Variants in GMPS observed in about 807,000 individuals in gnomAD.
GMPS encodes the protein guanosine monophosphate synthase, also known as GMP synthase [glutamine-hydrolyzing].
GMPS carries 15 observed loss-of-function variants against 77.9 expected under a neutral mutation model. The observed-to-expected ratio is 0.19, with a 90% CI of 0.13 to 0.30. The LOEUF (loss-of-function observed/expected upper bound fraction) is 0.30. Ranked by LOEUF, GMPS falls within the 10% of genes least tolerant of loss-of-function variation. The pLI, the probability that GMPS is intolerant of heterozygous loss-of-function variation, is 1.00. For missense variants in GMPS, 590 were observed against 838.8 expected (o/e 0.70, Z 3.66); for synonymous variants, 224 against 275.9 (o/e 0.81, Z 1.86).
chr3:155,914,337 T>G, intron 7 of GMPS, 82 bp from the exon 8 acceptor site: 1 of 1,036,584 alleles, frequency 9.6e-7, no homozygotes, highest in East Asian at 2.8e-5. Flanking sequence ...AAGAAATAGC[T>G]TTTCTTTCTG....
upstream of GMPS, among the ~76,000 whole-genome samples, chr3:155,870,281 A>G (rs1753866285): frequency 6.6e-6 from 1 of 152,244 alleles, no homozygotes; most frequent in Non-Finnish European, 1.5e-5. Context: ...CGGTGCCGCC[A>G]GCCTCCCGAA....
intron 1 of GMPS, among the ~76,000 whole-genome samples, chr3:155,892,380 CAAA>C (rs894885389): frequency 2.0e-4 from 31 of 151,584 alleles, no homozygotes; most frequent in Non-Finnish European, 1.5e-5. Flanking sequence ...AAAAAGCAAA[CAAA>C]AAAAACCCCC....
At chr3:155,931,581 T>C (rs977002827) in intron 12 of GMPS, among the ~76,000 whole-genome samples, 184 bp from the exon 13 acceptor site, 1 of 151,834 alleles carries the variant, frequency 6.6e-6, no homozygotes. Context: ...TTTATACCAT[T>C]AAAGAAGCAT....
chr3:155,940,048 T>C lies in GMPS; in HGVS notation c.*2356T>C, dbSNP rs545396327. The stretch of plus-strand genomic sequence containing the variant: ...TATGGGATGCTTATTTTACTAAGAC[T>C]AGAATGGTGGCTACCTGGCTAATAA... On this transcript the variant is annotated 3_prime_UTR_variant, in exon 16 of 16. Transcript: ENST00000496455. 12 of 209,492 alleles carry C rather than the reference T, an allele frequency of 5.7e-5. No individual in the cohort carries two copies. Among genetic ancestry groups the C allele is most frequent in the African/African-American group, 2.7e-4 (12 of 44,152 alleles). 13.0% of individuals were successfully genotyped at this position (209,492 alleles called of 1,614,324 possible). A position where few individuals can be genotyped will look rare whatever the true frequency, so the allele number is the denominator to read the frequency against.
rs1220400998 is a variant in GMPS at position 155,908,486 on chromosome 3, GT to G, written c.527-2200del. On this transcript the variant is annotated intron_variant, in intron 5 of 15. Coordinates refer to ENST00000496455, the MANE Select transcript of GMPS (RefSeq NM_003875.3). ...TTCCTGGTCATGTGAAAAGAACCCG[GT>G]TTTTTCTACAGCAGTAGAAGAGGAA... Among the ~76,000 whole-genome samples the G allele has an allele frequency of 2.0e-5, 3 of 152,208 alleles. 1 individual carries two copies. In the Middle Eastern group the frequency reaches 9.5e-3, roughly 482 times the overall value.
chr3:155,905,301 G>T (rs1248074055), intron 4 of GMPS, among the ~76,000 whole-genome samples: 1 of 152,000 alleles, frequency 6.6e-6, no homozygotes, highest in African/African-American at 2.4e-5. Flanking sequence ...GCGCCTGGCC[G>T]TTCCTTATTA....
chr3:155,913,977 C>CT (rs1755104114), intron 7 of GMPS, among the ~76,000 whole-genome samples: 2 of 151,404 alleles, frequency 1.3e-5, no homozygotes, highest in Non-Finnish European at 2.9e-5. Flanking sequence ...GATGGAGTCT[C>CT]TCTCTGTCAC....
intron 5 of GMPS, among the ~76,000 whole-genome samples, chr3:155,907,660 A>T (rs1243683796): frequency 1.3e-5 from 2 of 152,220 alleles, no homozygotes; most frequent in Non-Finnish European, 2.9e-5. Flanking sequence ...GGGAAAGTAA[A>T]CAATAAAGAA....
At chr3:155,870,323 A>T (rs1008291922), upstream of GMPS, among the ~76,000 whole-genome samples, 1 of 152,230 alleles carries the variant, frequency 6.6e-6, no homozygotes, top group African/African-American at 2.4e-5. Context: ...ATCCGGCAGC[A>T]GCAAACTAGC....
intron 10 of GMPS, among the ~76,000 whole-genome samples, chr3:155,920,912 A>G (rs1477873093): frequency 2.0e-5 from 3 of 152,182 alleles, no homozygotes; most frequent in South Asian, 2.1e-4. Context: ...CCATAGATCT[A>G]TGCACACCTT....
rs570369151 is a variant in GMPS, at chr3:155,935,477, A to G, written c.1807+431A>G. On this transcript the variant is annotated intron_variant, in intron 14 of 15. Transcript: ENST00000496455. ...TGGCCTCCCAGAGTGTTGGGATTAC[A>G]GGCGTGAGCCACTGCACCTGGCCTA... 5.3e-5 allele frequency among the ~76,000 whole-genome samples: 8 copies of G among 152,352 alleles called. No individual in the cohort carries two copies. The East Asian group carries it at 1.5e-3, about 29-fold the overall frequency.
At chr3:155,879,768 T>C (rs1754163634) in intron 1 of GMPS, among the ~76,000 whole-genome samples, 1 of 133,990 alleles carries the variant, frequency 7.5e-6, no homozygotes, top group Admixed American at 8.9e-5. Flanking sequence ...TCTCGCACTG[T>C]TCCCCGGGCT....
intron 1 of GMPS, among the ~76,000 whole-genome samples, chr3:155,876,774 T>A (rs1487662719): frequency 6.6e-6 from 1 of 152,196 alleles, no homozygotes; most frequent in Non-Finnish European, 1.5e-5. Context: ...TAGCATTATT[T>A]TTCTGAGTTA....
intron 15 of GMPS, 26 bp from the exon 16 acceptor site, chr3:155,937,565 C>T (rs370686758): frequency 1.4e-4 from 141 of 1,003,554 alleles, no homozygotes; most frequent in Non-Finnish European, 1.8e-5. Flanking sequence ...TGGATGCTGA[C>T]TTTTCTCTAT....
At chr3:155,882,285 T>A (rs1169368244) in intron 1 of GMPS, among the ~76,000 whole-genome samples, 1 of 152,162 alleles carries the variant, frequency 6.6e-6, no homozygotes, top group Non-Finnish European at 1.5e-5. Flanking sequence ...TATGGAAAAT[T>A]GAAAACATTT....
In GMPS at chr3:155,906,255, T is replaced by C. The variant is rs747118707; in HGVS notation, c.518T>C (p.Ile173Thr). 1.4e-5 allele frequency: 23 copies of C among 1,602,430 alleles called. No individual in the cohort carries two copies. The highest frequency in any genetic ancestry group is 1.6e-5 in the Non-Finnish European group (19 of 1,171,904). Reference protein sequence around the residue: ...GFKVVARSGNIVAGIANESKK... With the variant: ...GFKVVARSGNTVAGIANESKK... ...AAGGTTGTGGCACGTTCTGGAAACA[T>C]AGTAGCAGGTGAAAATTCTAAAAAT... The change falls in exon 5 of 16, where the codon ATA becomes ACA. Residue 173 changes from isoleucine to threonine, a missense_variant. By Grantham distance (89) the Ile-to-Thr change is moderately conservative. This residue lies in a region of GMPS where 136 missense variants were observed against 225.6 expected (regional missense o/e 0.60). Coordinates refer to ENST00000496455, the MANE Select transcript of GMPS (RefSeq NM_003875.3).
At chr3:155,922,763 A>C (rs1403308243) in intron 11 of GMPS, among the ~76,000 whole-genome samples, 1 of 152,154 alleles carries the variant, frequency 6.6e-6, no homozygotes, top group African/African-American at 2.4e-5. Flanking sequence ...ACACTATGCA[A>C]CCCTTTAGCT....
At position 155,893,618 on chromosome 3, in the gene GMPS, G is replaced by T. The variant is rs749180762; in HGVS notation, c.128G>T (p.Arg43Leu). The T allele has an allele frequency of 6.2e-7, 1 of 1,611,910 alleles. No homozygotes were observed. Among genetic ancestry groups the T allele is most frequent in the Non-Finnish European group, 8.5e-7 (1 of 1,178,172 alleles). ...GCTCAGTACGGGAAAGTCATAGACC[G>T]AAGAGTGAGGGAACTGTTCGTGCAG... Reference protein sequence around the residue: ...AGAQYGKVIDRRVRELFVQSE... With the variant: ...AGAQYGKVIDLRVRELFVQSE... Residue 43 changes from arginine (R) to leucine (L), a missense_variant, in exon 2 of 16, where the codon CGA (arginine) becomes CTA (leucine). Physicochemically the swap from Arg to Leu is moderately radical, Grantham distance 102. This residue lies in a region of GMPS where 136 missense variants were observed against 225.6 expected (regional missense o/e 0.60). Transcript: ENST00000496455.
At chr3:155,918,839 C>T (rs948295157) in intron 9 of GMPS, among the ~76,000 whole-genome samples, 4 of 152,028 alleles carry the variant, frequency 2.6e-5, no homozygotes, top group Admixed American at 6.5e-5. Flanking sequence ...ATCAGATATA[C>T]GACTTGCAAA....
Sources: gnomAD v4.1 joint callset for allele counts (sites outside exome capture counted in the v4.1 genomes callset) on GRCh38, gnomAD v4.1.1 for gene constraint, gnomAD v4.1.1 regional missense constraint, MANE v1.5 for transcripts, NCBI Gene and HGNC (gene_info 2026-07-23, HGNC 2026-07-21) for gene names.